PRRC1: variants seen among roughly 807,000 people sequenced by gnomAD.
The protein encoded by PRRC1 is proline rich coiled-coil 1, also known as protein PRRC1.
PRRC1 carries 39 observed loss-of-function variants against 40.7 expected under a neutral mutation model. The ratio of observed to expected loss-of-function variants is 0.96; its 90% CI spans 0.74 to 1.25. The LOEUF is 1.25. PRRC1 is among the 50% of genes most tolerant of loss of function. PRRC1 has a pLI of 0.00. For missense variants in PRRC1, 573 were observed against 548.3 expected (o/e 1.05, Z -0.45); for synonymous variants, 175 against 193.3 (o/e 0.91, Z 0.79).
In PRRC1 at chr5:127,543,097, G is replaced by C. The variant is rs1318595838; in HGVS notation, c.1025+3954G>C. On this transcript the variant is annotated intron_variant, in intron 7 of 8. Transcript: ENST00000296666. Reference sequence around the variant, plus strand: ...TGACAAAATCTCTCAGCATTTGCTTGTCTGTAAAGTATTTTATTTCTCCTT... The same window carrying C: ...TGACAAAATCTCTCAGCATTTGCTTCTCTGTAAAGTATTTTATTTCTCCTT... Among the ~76,000 whole-genome samples, 8 of 151,760 alleles carry C rather than the reference G, an allele frequency of 5.3e-5. No homozygotes were observed. The East Asian group carries it at 1.2e-3, about 22-fold the overall frequency.
In PRRC1 at chr5:127,552,604, T is replaced by TTTTA. The variant is rs1161379312; in HGVS notation, c.*692_*695dup. ...ATACTATGAACATTGGGGTAATACA[T>TTTTA]TTTATTTTTTCATTGCTATATGACA... On this transcript the variant is annotated 3_prime_UTR_variant, in exon 9 of 9. Transcript: ENST00000296666. 2 of 981,492 alleles carry TTTTA rather than the reference T, an allele frequency of 2.0e-6. No individual in the cohort carries two copies. Among genetic ancestry groups the TTTTA allele is most frequent in the African/African-American group, 1.8e-5 (1 of 57,126 alleles). The allele number at this position is 981,492 out of a possible 1,614,324, so 60.8% of individuals were successfully genotyped here. A position where few individuals can be genotyped will look rare whatever the true frequency, so the allele number is the denominator to read the frequency against.
chr5:127,528,684 GTTC>G (rs1242961821), intron 4 of PRRC1, among the ~76,000 whole-genome samples: 1 of 152,086 alleles, frequency 6.6e-6, no homozygotes, highest in East Asian at 1.9e-4. Flanking sequence ...TGTGATAAAT[GTTC>G]TTCTGTGATC....
chr5:127,531,273 T>G (rs1767763248), intron 5 of PRRC1, among the ~76,000 whole-genome samples: 1 of 152,216 alleles, frequency 6.6e-6, no homozygotes, highest in Admixed American at 6.5e-5. Context: ...GGATGTAAGT[T>G]ATCACCCTAG....
chr5:127,524,585 C>T lies in PRRC1; in HGVS notation c.158C>T (p.Pro53Leu). The T allele has an allele frequency of 6.2e-7, 1 of 1,613,996 alleles. No homozygotes were observed. Among genetic ancestry groups the T allele is most frequent in the South Asian group, 1.1e-5 (1 of 91,046 alleles). ...GTATCCTCCATGGAGTCCTTCCCAC[C>T]ACTCGCATACTCTACTCCTCAGCCG... Reference protein sequence around the residue: ...PNVSSMESFPPLAYSTPQPPL... With the variant: ...PNVSSMESFPLLAYSTPQPPL... Residue 53 changes from proline (P) to leucine (L), a missense_variant, in exon 3 of 9, where the codon CCA becomes CTA. Physicochemically the swap from Pro to Leu is moderately conservative, Grantham distance 98. Transcript: ENST00000296666.
In PRRC1 at chr5:127,551,915, G is replaced by A. The variant is rs750206759; in HGVS notation, c.1337G>A (p.Ter446=). The change falls in exon 9 of 9, where the codon TGA becomes TAA. Residue 446 remains the stop codon, a stop_retained_variant. Transcript: ENST00000296666. The stretch of plus-strand genomic sequence containing the variant: ...CAGCGCCTGCCACCCAGGACAGTGT[G>A]AGAGGAGACCTACCTGGGAGACTGA... ...YKQRLPPRTV[*] is the part of the protein sequence containing the mutation. 10 of 1,614,018 alleles carry A rather than the reference G, an allele frequency of 6.2e-6. No individual in the cohort carries two copies. The South Asian group carries it at 1.1e-4, about 18-fold the overall frequency.
intron 5 of PRRC1, among the ~76,000 whole-genome samples, chr5:127,533,292 T>A (rs1767820717): frequency 6.6e-6 from 1 of 152,210 alleles, no homozygotes; most frequent in African/African-American, 2.4e-5. Flanking sequence ...GACAAATCAC[T>A]TACTATCAGT....
At chr5:127,527,757 CAA>C (rs11395244) in intron 4 of PRRC1, among the ~76,000 whole-genome samples, 10 of 80,254 alleles carry the variant, frequency 1.2e-4, no homozygotes, top group Non-Finnish European at 1.5e-4. Flanking sequence ...GACACTGTCT[CAA>C]AAAAAAAAAA....
At chr5:127,523,055 T>C (rs1767501278) in intron 1 of PRRC1, among the ~76,000 whole-genome samples, 1 of 152,196 alleles carries the variant, frequency 6.6e-6, no homozygotes, top group Admixed American at 6.5e-5. Flanking sequence ...CTCAAATGCT[T>C]CCCGTCTTGG....
At chr5:127,544,777 G>A (rs937358760) in intron 7 of PRRC1, among the ~76,000 whole-genome samples, 13 of 152,228 alleles carry the variant, frequency 8.5e-5, no homozygotes, top group East Asian at 3.9e-4. Flanking sequence ...TCCAGGTTCC[G>A]TCTGTCACCC....
rs979149624 is a variant in PRRC1, at chr5:127,554,116, C to CT, written c.*2201dup. 2.4e-4 allele frequency: 107 copies of CT among 454,952 alleles called. No individual in the cohort carries two copies. The highest frequency in any genetic ancestry group is 1.9e-3 in the African/African-American group (95 of 49,912). The allele number at this position is 454,952 out of a possible 1,614,324, so 28.2% of individuals were successfully genotyped here. On this transcript the variant is annotated 3_prime_UTR_variant, in exon 9 of 9. Coordinates refer to ENST00000296666, the MANE Select transcript of PRRC1 (RefSeq NM_130809.5). ...GGGCAAGAAAAGTAACTCATCATCT[C>CT]TAACACACCATGGCAGCTTAGCCAG...
chr5:127,520,453 T>G (rs1018891904), intron 1 of PRRC1, among the ~76,000 whole-genome samples: 15 of 152,246 alleles, frequency 9.9e-5, no homozygotes, highest in African/African-American at 3.6e-4. Context: ...AGCAGGTACA[T>G]TTATACAATG....
intron 7 of PRRC1, among the ~76,000 whole-genome samples, chr5:127,546,172 C>A (rs1768214562): frequency 6.6e-6 from 1 of 152,068 alleles, no homozygotes. Flanking sequence ...TTCTATTCAC[C>A]TGTCTTCAGG....
chr5:127,551,967 T>G lies in PRRC1; in HGVS notation c.*51T>G, dbSNP rs775748496. ...ACTTTCCCCCACTTTTAGCTTGATG[T>G]TAAAGAAGTGGTTGTACCTTCCTAA... On this transcript the variant is annotated 3_prime_UTR_variant, in exon 9 of 9. Transcript: ENST00000296666. 1 of 1,609,490 alleles carries G rather than the reference T, an allele frequency of 6.2e-7. No homozygotes were observed. The highest frequency in any genetic ancestry group is 8.5e-7 in the Non-Finnish European group (1 of 1,177,444).
intron 7 of PRRC1, among the ~76,000 whole-genome samples, chr5:127,544,930 T>C (rs1010345522): frequency 6.6e-6 from 1 of 152,196 alleles, no homozygotes; most frequent in Non-Finnish European, 1.5e-5. Context: ...GAGATGAACC[T>C]GGTACCTCAG....
At chr5:127,530,746 CT>C (rs34749591) in intron 5 of PRRC1, among the ~76,000 whole-genome samples, 289 of 142,102 alleles carry the variant, frequency 2.0e-3, no homozygotes, top group Middle Eastern at 3.6e-3. Context: ...TTGTTTCATA[CT>C]TTTTTTTTTT....
At position 127,554,175 on chromosome 5, in the gene PRRC1, T is replaced by G. The variant is rs1768467296; in HGVS notation, c.*2259T>G. ...AGTGGTGGTGTTTAGGCATAAGATA[T>G]GCTGATCATCAGTCTCAGGCCACAG... is the stretch of plus-strand genomic sequence containing the variant. On this transcript the variant is annotated 3_prime_UTR_variant, in exon 9 of 9. Coordinates refer to ENST00000296666, the MANE Select transcript of PRRC1 (RefSeq NM_130809.5). The G allele has an allele frequency of 3.8e-6, 1 of 263,062 alleles. No homozygotes were observed. The highest frequency in any genetic ancestry group is 2.3e-5 in the African/African-American group (1 of 44,402). The allele number at this position is 263,062 out of a possible 1,614,324, so 16.3% of individuals were successfully genotyped here. A position where few individuals can be genotyped will look rare whatever the true frequency, so the allele number is the denominator to read the frequency against.
At chr5:127,536,832 A>G (rs1335946076) in intron 6 of PRRC1, among the ~76,000 whole-genome samples, 1 of 152,064 alleles carries the variant, frequency 6.6e-6, no homozygotes. Flanking sequence ...TGAAACTAAT[A>G]TATAAGAAAG....
intron 6 of PRRC1, among the ~76,000 whole-genome samples, chr5:127,535,084 A>ATATGATGGT (rs1219411311): frequency 4.1e-5 from 5 of 122,940 alleles, no homozygotes; most frequent in Admixed American, 9.0e-5. Context: ...CCCAGGGGAG[A>ATATGATGGT]TACGATGGTT....
chr5:127,518,951 G>A (rs535522791), intron 1 of PRRC1, among the ~76,000 whole-genome samples: 2 of 152,054 alleles, frequency 1.3e-5, no homozygotes, highest in Admixed American at 1.3e-4. Context: ...TTAGTAGAAG[G>A]CACTATGTTT....
Sources: gnomAD v4.1 joint callset for allele counts (sites outside exome capture counted in the v4.1 genomes callset) on GRCh38, gnomAD v4.1.1 for gene constraint, MANE v1.5 for transcripts, NCBI Gene and HGNC (gene_info 2026-07-23, HGNC 2026-07-21) for gene names.